Variants in PDCD11 observed in about 807,000 individuals in gnomAD.
The protein encoded by PDCD11 is protein RRP5 homolog.
A neutral mutation model predicts 198.9 loss-of-function variants in PDCD11; 97 were observed. That is an observed-to-expected ratio of 0.49 (90% CI 0.41 to 0.58). PDCD11 has a LOEUF of 0.58. PDCD11 is among the 20% of genes least tolerant of loss of function. The probability of loss-of-function intolerance (pLI) is 0.00; values close to 1 mark genes in which losing one functional copy is unlikely to be tolerated. For synonymous variants in PDCD11, 893 were observed against 918.0 expected (o/e 0.97, Z 0.49); for missense variants, 2,102 against 2,312.7 (o/e 0.91, Z 1.87).
At chr10:103,423,467 C>A in intron 18 of PDCD11, 76 bp from the exon 19 acceptor site, 1 of 1,093,734 alleles carries the variant, frequency 9.1e-7, no homozygotes, top group Non-Finnish European at 1.4e-6. Context: ...TAAGGGGTAG[C>A]AGCTACATGT....
chr10:103,433,456 C>A (rs1352176833), intron 22 of PDCD11, among the ~76,000 whole-genome samples: 1 of 152,072 alleles, frequency 6.6e-6, no homozygotes, highest in Non-Finnish European at 1.5e-5. Context: ...GAGATTGCCG[C>A]CACACACTCC....
Position 103,422,633 on chromosome 10 carries a change from C to T in PDCD11, c.2498-355C>T, listed in dbSNP as rs551137369. The stretch of plus-strand genomic sequence containing the variant: ...CTTTGTGAGGGGTTATTATTCTGAC[C>T]CTCTTAGACTTTGAACCATTGTGTG... On this transcript the variant is annotated intron_variant, in intron 17 of 35. Transcript: ENST00000369797. 3.9e-5 allele frequency among the ~76,000 whole-genome samples: 6 copies of T among 151,976 alleles called. No individual in the cohort carries two copies. The East Asian group carries it at 9.6e-4, about 24-fold the overall frequency.
Position 103,403,151 on chromosome 10 carries a change from G to A in PDCD11, c.268G>A (p.Val90Met), listed in dbSNP as rs774169731. 17 of 1,614,116 alleles carry A rather than the reference G, an allele frequency of 1.1e-5. No homozygotes were observed. The Admixed American group carries it at 2.0e-4, about 19-fold the overall frequency. Reference protein sequence around the residue: ...LCEGMRILGCVKEVNELELVI... With the variant: ...LCEGMRILGCMKEVNELELVI... The stretch of plus-strand genomic sequence containing the variant: ...TGAGGGAATGCGTATTTTGGGTTGC[G>A]TGAAAGAGGTGAATGAACTGGAACT... The change falls in exon 4 of 36, where the codon GTG becomes ATG. Residue 90 changes from valine (V) to methionine (M), a missense_variant. By Grantham distance (21) the Val-to-Met change is conservative. Transcript: ENST00000369797.
At chr10:103,413,399 C>G in intron 9 of PDCD11, 77 bp downstream of exon 9, 1 of 1,163,044 alleles carries the variant, frequency 8.6e-7, no homozygotes, top group East Asian at 2.4e-5. Context: ...ATTTCTGCTT[C>G]TTTCATTCCT....
intron 31 of PDCD11, 74 bp from the exon 32 acceptor site, chr10:103,442,139 C>T (rs566711979): frequency 1.5e-5 from 23 of 1,584,870 alleles, no homozygotes; most frequent in African/African-American, 2.7e-5. Flanking sequence ...CCAGCCAACT[C>T]GTGACTTCCA....
In PDCD11 at chr10:103,439,857, C is replaced by T; in HGVS notation, c.4137C>T (p.Ala1379=). 1 of 1,614,142 alleles carries T rather than the reference C, an allele frequency of 6.2e-7. No individual in the cohort carries two copies. Among genetic ancestry groups the T allele is most frequent in the Non-Finnish European group, 8.5e-7 (1 of 1,180,008 alleles). The stretch of plus-strand genomic sequence containing the variant: ...TCCCTGAAGGGAAGCTGCTCACAGC[C>T]AGGGTCCTACGGTAGGTGCCTTCCC... ...KHLPEGKLLT[A]RVLRLNHQKN... is the part of the protein sequence containing the mutation. The change falls in exon 28 of 36, where the codon GCC becomes GCT. Residue 1379 remains alanine, a synonymous_variant. Transcript: ENST00000369797.
chr10:103,420,461 T>A (rs2133709680), intron 16 of PDCD11, among the ~76,000 whole-genome samples: 1 of 152,214 alleles, frequency 6.6e-6, no homozygotes, highest in South Asian at 2.1e-4. Flanking sequence ...GTCCTGCACT[T>A]TCAGATGGGA....
At chr10:103,440,897 A>G in intron 30 of PDCD11, 47 bp downstream of exon 30, 1 of 1,334,268 alleles carries the variant, frequency 7.5e-7, no homozygotes, top group Non-Finnish European at 1.1e-6. Flanking sequence ...AGGCAAGGGA[A>G]GAGCTGGGCC....
chr10:103,399,768 A>T (rs2093454677), intron 2 of PDCD11: 1 of 152,260 alleles, frequency 6.6e-6, no homozygotes, highest in Non-Finnish European at 1.5e-5. Flanking sequence ...AGCTCACTGC[A>T]ACCTCCACTT....
chr10:103,421,493 C>G lies in PDCD11; in HGVS notation c.2423C>G (p.Ala808Gly). The change falls in exon 17 of 36, where the codon GCT (alanine) becomes GGT (glycine). Residue 808 changes from alanine to glycine, a missense_variant. Coordinates refer to ENST00000369797, the MANE Select transcript of PDCD11 (RefSeq NM_014976.2). ...TCGGACTGTGGTCTGGGGGACTTGG[C>G]TATCACCAGCCTCCTCCTCCTGAAT... ...RLSDCGLGDL[A>G]ITSLLLLNQC... is the part of the protein sequence containing the mutation. 1 of 1,594,608 alleles carries G rather than the reference C, an allele frequency of 6.3e-7. No homozygotes were observed. The highest frequency in any genetic ancestry group is 8.5e-7 in the Non-Finnish European group (1 of 1,170,304).
chr10:103,410,072 T>G (rs1413794314), intron 8 of PDCD11, among the ~76,000 whole-genome samples: 1 of 152,110 alleles, frequency 6.6e-6, no homozygotes, highest in Non-Finnish European at 1.5e-5. Flanking sequence ...CCGTCTCTAC[T>G]AAAAATACAA....
chr10:103,410,625 T>G (rs1436895427), intron 8 of PDCD11, among the ~76,000 whole-genome samples: 1 of 150,722 alleles, frequency 6.6e-6, no homozygotes, highest in Non-Finnish European at 1.5e-5. Context: ...TCTTTTTTTT[T>G]TAAGACAGTG....
chr10:103,439,410 G>A (rs751954290), intron 27 of PDCD11, among the ~76,000 whole-genome samples: 1 of 152,190 alleles, frequency 6.6e-6, no homozygotes, highest in Non-Finnish European at 1.5e-5. Flanking sequence ...ATCATGATTT[G>A]TAAGTGTTCG....
At chr10:103,409,540 G>A (rs1221939181) in intron 7 of PDCD11, among the ~76,000 whole-genome samples, 159 bp from the exon 8 acceptor site, 1 of 152,184 alleles carries the variant, frequency 6.6e-6, no homozygotes, top group Non-Finnish European at 1.5e-5. Flanking sequence ...TGTTCTGCCA[G>A]TTATTTGTAT....
intron 20 of PDCD11, 52 bp downstream of exon 20, chr10:103,425,577 G>A: frequency 1.3e-6 from 2 of 1,519,080 alleles, no homozygotes; most frequent in Non-Finnish European, 1.8e-6. Flanking sequence ...TTGTTGTTGT[G>A]GGAGGACTGG....
rs1592126395 is a variant in PDCD11, at chr10:103,419,683, G to C, written c.2252G>C (p.Gly751Ala). The stretch of plus-strand genomic sequence containing the variant: ...GGCGTGTTCATCCAGTTCCCCTCAG[G>C]TCTTAGCGGACTGGCCCCAAAAGCT... The part of the protein sequence containing the change: ...DYGVFIQFPS[G>A]LSGLAPKAIM... The change falls in exon 16 of 36, where the codon GGT becomes GCT. Residue 751 changes from glycine (G) to alanine (A), a missense_variant. Coordinates refer to ENST00000369797, the MANE Select transcript of PDCD11 (RefSeq NM_014976.2). 6.2e-7 allele frequency: 1 copy of C among 1,614,040 alleles called. No homozygotes were observed. The highest frequency in any genetic ancestry group is 2.2e-5 in the East Asian group (1 of 44,872).
In PDCD11 at chr10:103,425,302, A is replaced by C. The variant is rs1037048804; in HGVS notation, c.3082A>C (p.Ile1028Leu). 1.2e-6 allele frequency: 2 copies of C among 1,614,176 alleles called. No individual in the cohort carries two copies. Residue 1028 changes from isoleucine to leucine, a missense_variant, in exon 20 of 36, where the codon ATA becomes CTA. Transcript: ENST00000369797. ...EVDPALTVGT[I>L]KKHTLSIGDM... ...GGATCCAGCTCTGACTGTAGGGACCATAAAGAAGCACACCCTCTCCATCGG... is the reference window on the plus strand; with the variant it reads ...GGATCCAGCTCTGACTGTAGGGACCCTAAAGAAGCACACCCTCTCCATCGG...
intron 12 of PDCD11, 95 bp from the exon 13 acceptor site, chr10:103,416,396 G>GC (rs1188858927): frequency 6.2e-6 from 8 of 1,281,634 alleles, no homozygotes; most frequent in Non-Finnish European, 6.6e-6. Context: ...TTGGGGAATG[G>GC]CCCCGTGGCT....
chr10:103,441,226 T>C (rs550461918), intron 30 of PDCD11, among the ~76,000 whole-genome samples: 48 of 152,304 alleles, frequency 3.2e-4, no homozygotes, highest in East Asian at 5.8e-4. Flanking sequence ...CTCAGAATTA[T>C]TGTCATCTCT....
Sources: allele counts gnomAD v4.1 joint callset (sites outside exome capture counted in the v4.1 genomes callset), GRCh38; gene constraint gnomAD v4.1.1; transcripts MANE v1.5; gene names NCBI Gene and HGNC (gene_info 2026-07-23, HGNC 2026-07-21).